The following SUGCT variants were observed in gnomAD, a reference collection of about 807,000 sequenced individuals.
SUGCT encodes the protein succinyl-CoA:glutarate CoA-transferase.
SUGCT carries 41 observed loss-of-function variants against 55.0 expected under a neutral mutation model. That is an observed-to-expected ratio of 0.74 (90% CI 0.58 to 0.97). The LOEUF is 0.97. Among genes scored for constraint, SUGCT ranks in the 50% least tolerant of loss-of-function variants. The pLI, the probability that SUGCT is intolerant of heterozygous loss-of-function variation, is 0.00. For missense variants in SUGCT, 568 were observed against 547.8 expected (o/e 1.04, Z -0.37); for synonymous variants, 187 against 200.4 (o/e 0.93, Z 0.56).
chr7:40,247,351 G>T (rs940672091), intron 7 of SUGCT, among the ~76,000 whole-genome samples: 5 of 152,152 alleles, frequency 3.3e-5, no homozygotes, highest in African/African-American at 1.2e-4. Context: ...CGCATCTTGG[G>T]TTCAAGCAAT....
intron 12 of SUGCT, among the ~76,000 whole-genome samples, chr7:40,695,813 T>G (rs1784908434): frequency 6.6e-6 from 1 of 152,108 alleles, no homozygotes; most frequent in South Asian, 2.1e-4. Flanking sequence ...TAGATGCCGG[T>G]AGGAACCCCT....
intron 1 of SUGCT, among the ~76,000 whole-genome samples, chr7:40,155,342 A>G (rs1783834649): frequency 1.3e-5 from 2 of 152,142 alleles, no homozygotes; most frequent in Non-Finnish European, 2.9e-5. Flanking sequence ...CACAAAGCAA[A>G]TTAAAAGAAA....
At chr7:40,485,679 A>T (rs976861977) in intron 11 of SUGCT, among the ~76,000 whole-genome samples, 1 of 152,110 alleles carries the variant, frequency 6.6e-6, no homozygotes, top group African/African-American at 2.4e-5. Context: ...GGCCTCCCAA[A>T]GTGCCAGAAT....
chr7:40,415,059 AAAATCTATCTATCT>A (rs1472862786), intron 9 of SUGCT, among the ~76,000 whole-genome samples: 2 of 97,962 alleles, frequency 2.0e-5, no homozygotes, highest in African/African-American at 7.0e-5. Flanking sequence ...AAAAAAAAAA[AAAATCTATCTATCT>A]ATCTATCTAT....
intron 12 of SUGCT, among the ~76,000 whole-genome samples, chr7:40,526,609 G>C (rs1484995308): frequency 1.3e-5 from 2 of 152,188 alleles, no homozygotes; most frequent in Non-Finnish European, 2.9e-5. Flanking sequence ...TTGAGAACCA[G>C]TGGTTTGGGA....
At chr7:40,588,437 T>C (rs771008245) in intron 12 of SUGCT, among the ~76,000 whole-genome samples, 11 of 152,120 alleles carry the variant, frequency 7.2e-5, no homozygotes, top group Non-Finnish European at 1.5e-4. Flanking sequence ...GACCTCAAAG[T>C]ATTAACTCTC....
At chr7:40,198,030 C>T (rs1786384686) in intron 6 of SUGCT, among the ~76,000 whole-genome samples, 1 of 152,086 alleles carries the variant, frequency 6.6e-6, no homozygotes, top group African/African-American at 2.4e-5. Context: ...TTATATAATT[C>T]AGTAGTTCTC....
At chr7:40,721,071 C>G (rs1007851863) in intron 12 of SUGCT, among the ~76,000 whole-genome samples, 1 of 152,232 alleles carries the variant, frequency 6.6e-6, no homozygotes. Context: ...GTGACCTGTT[C>G]ATGCAAAAGC....
chr7:40,357,521 A>G (rs552599930), intron 9 of SUGCT, among the ~76,000 whole-genome samples: 1 of 152,306 alleles, frequency 6.6e-6, no homozygotes, highest in South Asian at 2.1e-4. Context: ...AAAGATGTGC[A>G]AAGCAATAAG....
chr7:40,565,992 C>CACACAT lies in SUGCT; in HGVS notation c.1089+69606_1089+69607insACACAT, dbSNP rs1491317958. ...TCACACACACACACACACACACACA[C>CACACAT]GCACACACACACACACACACACACA... On this transcript the variant is annotated intron_variant, in intron 12 of 13. Transcript: ENST00000335693. 4.1e-3 allele frequency among the ~76,000 whole-genome samples: 357 copies of CACACAT among 86,678 alleles called. 2 individuals carry two copies. The highest frequency in any genetic ancestry group is 0.019 in the African/African-American group (334 of 17,976). The allele number at this position is 86,678 out of a possible 152,430, so 56.9% of individuals were successfully genotyped here.
At chr7:40,349,463 T>C (rs1357778685) in intron 9 of SUGCT, among the ~76,000 whole-genome samples, 1 of 151,962 alleles carries the variant, frequency 6.6e-6, no homozygotes, top group East Asian at 1.9e-4. Context: ...ACTATAATAG[T>C]CCTTATTTCC....
intron 1 of SUGCT, among the ~76,000 whole-genome samples, chr7:40,167,999 A>G (rs1429550830): frequency 4.6e-5 from 7 of 152,222 alleles, no homozygotes; most frequent in African/African-American, 7.2e-5. Flanking sequence ...TTATATCCCA[A>G]TCATTGTCCC....
At chr7:40,970,013 T>C in the SUGCT span, among the ~76,000 whole-genome samples, 1 of 152,140 alleles carries the variant, frequency 6.6e-6, no homozygotes, top group East Asian at 1.9e-4. Context: ...TAAAGCAACA[T>C]TCTTTGCAGG....
chr7:40,875,451 C>T, the SUGCT span, among the ~76,000 whole-genome samples: 1 of 152,098 alleles, frequency 6.6e-6, no homozygotes, highest in African/African-American at 2.4e-5. Context: ...ATTGATGAGG[C>T]CATATCTTCC....
Position 40,572,868 on chromosome 7 carries a change from C to T in SUGCT, c.1089+76482C>T, listed in dbSNP as rs534893021. Reference sequence around the variant, plus strand: ...GTGTCATTGGTAGCATCCATTGTGGCATCAAACTTCTGTGAAAGAAGAGAA... The same window carrying T: ...GTGTCATTGGTAGCATCCATTGTGGTATCAAACTTCTGTGAAAGAAGAGAA... On this transcript the variant is annotated intron_variant, in intron 12 of 13. Transcript: ENST00000335693. Among the ~76,000 whole-genome samples the T allele has an allele frequency of 3.7e-4, 56 of 152,172 alleles. 1 individual carries two copies. The highest frequency in any genetic ancestry group is 8.3e-4 in the South Asian group (4 of 4,810).
chr7:40,623,388 A>C (rs1358660621), intron 12 of SUGCT, among the ~76,000 whole-genome samples: 1 of 152,216 alleles, frequency 6.6e-6, no homozygotes, highest in Non-Finnish European at 1.5e-5. Flanking sequence ...GGAATTGTGC[A>C]GAACTGGACT....
intron 13 of SUGCT, among the ~76,000 whole-genome samples, chr7:40,792,476 A>T (rs1041344163): frequency 6.6e-6 from 1 of 152,144 alleles, no homozygotes; most frequent in African/African-American, 2.4e-5. Context: ...GGGATCTCCA[A>T]TTTGTCTTAC....
At chr7:40,307,363 T>A (rs555784676) in intron 8 of SUGCT, among the ~76,000 whole-genome samples, 1 of 152,280 alleles carries the variant, frequency 6.6e-6, no homozygotes, top group South Asian at 2.1e-4. Flanking sequence ...AATCACTATT[T>A]TTTCTTTACC....
the SUGCT span, among the ~76,000 whole-genome samples, chr7:41,021,798 G>T: frequency 1.3e-5 from 2 of 152,052 alleles, no homozygotes; most frequent in African/African-American, 4.8e-5. Flanking sequence ...TTTCCACAGA[G>T]AAAGCAATTT....
Sources: allele counts gnomAD v4.1 joint callset (sites outside exome capture counted in the v4.1 genomes callset), GRCh38; gene constraint gnomAD v4.1.1; transcripts MANE v1.5; gene names NCBI Gene and HGNC (gene_info 2026-07-23, HGNC 2026-07-21).